The following MAD1L1 variants were observed in gnomAD, a reference collection of about 807,000 sequenced individuals.
MAD1L1 encodes the protein mitotic spindle assembly checkpoint protein MAD1.
In MAD1L1, 95 loss-of-function variants were observed where a neutral mutation model predicts 96.9. That is an observed-to-expected ratio of 0.98 (90% CI 0.83 to 1.16). MAD1L1 has a LOEUF of 1.16. MAD1L1 is among the 50% of genes most tolerant of loss of function. MAD1L1 has a pLI of 0.00. For missense variants in MAD1L1, 1,007 were observed against 954.4 expected, an observed-to-expected ratio of 1.06 and a Z score of -0.73; for synonymous variants, 473 against 396.6, an observed-to-expected ratio of 1.19 and a Z score of -2.29.
intron 11 of MAD1L1, among the ~76,000 whole-genome samples, chr7:2,130,172 G>C (rs1284133489): frequency 6.6e-6 from 1 of 152,256 alleles, no homozygotes; most frequent in Non-Finnish European, 1.5e-5. Flanking sequence ...TCGGCCCGCA[G>C]CAGGTGCCTG....
At chr7:1,892,392 G>A (rs1786603668) in intron 18 of MAD1L1, among the ~76,000 whole-genome samples, 1 of 152,186 alleles carries the variant, frequency 6.6e-6, no homozygotes, top group South Asian at 2.1e-4. Flanking sequence ...ATACACACAG[G>A]TGAGTGCTGA....
chr7:2,144,177 A>G (rs1011609764), intron 11 of MAD1L1, among the ~76,000 whole-genome samples: 2 of 152,216 alleles, frequency 1.3e-5, no homozygotes, highest in Non-Finnish European at 2.9e-5. Flanking sequence ...CCGGGGCTCA[A>G]GTTCCTCCCT....
At chr7:2,041,383 G>A (rs963702417) in intron 12 of MAD1L1, among the ~76,000 whole-genome samples, 9 of 111,820 alleles carry the variant, frequency 8.0e-5, no homozygotes, top group Non-Finnish European at 2.0e-4. Flanking sequence ...CTGGGGAAGG[G>A]GAGCAGGAGC....
At chr7:2,039,558 G>T (rs1375017373) in intron 12 of MAD1L1, among the ~76,000 whole-genome samples, 1 of 152,204 alleles carries the variant, frequency 6.6e-6, no homozygotes, top group African/African-American at 2.4e-5. Context: ...CAGGTGTGCA[G>T]TGACACCTCA....
chr7:2,027,277 G>C (rs1472902093), intron 12 of MAD1L1, among the ~76,000 whole-genome samples: 6 of 152,320 alleles, frequency 3.9e-5, no homozygotes, highest in East Asian at 3.9e-4. Flanking sequence ...ACTCCACCAA[G>C]CGGTTAAAGA....
chr7:1,983,287 A>G (rs1781010639), intron 14 of MAD1L1, among the ~76,000 whole-genome samples: 1 of 152,172 alleles, frequency 6.6e-6, no homozygotes, highest in Non-Finnish European at 1.5e-5. Flanking sequence ...ACAGTGCTCA[A>G]AGTATCTGCG....
chr7:1,948,522 G>A (rs1347969422), intron 16 of MAD1L1, among the ~76,000 whole-genome samples: 7 of 152,202 alleles, frequency 4.6e-5, no homozygotes, highest in Admixed American at 3.9e-4. Flanking sequence ...GCACAGCTCC[G>A]GAGCTGGCCT....
chr7:1,957,528 A>G, intron 16 of MAD1L1, 101 bp downstream of exon 16: 4 of 1,170,938 alleles, frequency 3.4e-6, no homozygotes, highest in Middle Eastern at 2.5e-4. Context: ...GACGAGCCAG[A>G]AAACGGGTGT....
At chr7:2,195,942 C>T (rs1562360350) in intron 10 of MAD1L1, among the ~76,000 whole-genome samples, 1 of 152,278 alleles carries the variant, frequency 6.6e-6, no homozygotes, top group African/African-American at 2.4e-5. Flanking sequence ...TCCGCTCAGG[C>T]TAAATGGATG....
At chr7:2,223,869 A>T (rs920168835) in intron 4 of MAD1L1, among the ~76,000 whole-genome samples, 2 of 152,134 alleles carry the variant, frequency 1.3e-5, no homozygotes, top group African/African-American at 4.8e-5. Context: ...TTCCAGGTGG[A>T]ACTCCAAGGA....
chr7:2,226,070 C>G (rs1009021799), intron 3 of MAD1L1, among the ~76,000 whole-genome samples: 7 of 152,202 alleles, frequency 4.6e-5, no homozygotes, highest in African/African-American at 1.7e-4. Context: ...CAATCTCCCT[C>G]ATCAAATCCC....
intron 12 of MAD1L1, among the ~76,000 whole-genome samples, chr7:2,021,677 A>C (rs1381535794): frequency 6.6e-6 from 1 of 152,128 alleles, no homozygotes; most frequent in African/African-American, 2.4e-5. Context: ...AGGCAGGAGA[A>C]TCGCTTGAAC....
chr7:1,985,713 T>C (rs1781107924), intron 14 of MAD1L1, among the ~76,000 whole-genome samples: 1 of 152,214 alleles, frequency 6.6e-6, no homozygotes, highest in South Asian at 2.1e-4. Flanking sequence ...GAGATGGAAC[T>C]CTTGCTGCGG....
In MAD1L1 at chr7:2,103,311, T is replaced by C. The variant is rs1050073390; in HGVS notation, c.1074-33973A>G. ...CCGACGGGCCCTGCACACACAGTCA[T>C]ACCTGCGCTCCTGCACTCAGTGAAG... On this transcript the variant is annotated intron_variant, in intron 11 of 18. Coordinates refer to ENST00000265854, the MANE Select transcript of MAD1L1 (RefSeq NM_001013836.2). This position sits in a 1 kb window ranked among gnomAD's most constrained non-coding sequence, Gnocchi z 4.3. Among the ~76,000 whole-genome samples, 7 of 151,988 alleles carry C rather than the reference T, an allele frequency of 4.6e-5. No homozygotes were observed. Among genetic ancestry groups the C allele is most frequent in the Non-Finnish European group, 1.0e-4 (7 of 67,978 alleles).
chr7:2,222,558 G>T lies in MAD1L1; in HGVS notation c.471+17C>A. The T allele has an allele frequency of 1.3e-6, 2 of 1,565,634 alleles. No homozygotes were observed. Among genetic ancestry groups the T allele is most frequent in the Non-Finnish European group, 1.7e-6 (2 of 1,155,144 alleles). On this transcript the variant is annotated intron_variant, in intron 5 of 18. Transcript: ENST00000265854. ...CCTCGGGAAAACAGCTCCCTGCGCA[G>T]CAGAGGCCCCGCTCACCTCGCCAGC...
At chr7:1,864,844 C>T (rs1312121276) in intron 18 of MAD1L1, among the ~76,000 whole-genome samples, 1 of 152,206 alleles carries the variant, frequency 6.6e-6, no homozygotes. Flanking sequence ...ACAACAGCTC[C>T]CCTCGACTTC....
At chr7:2,059,509 G>C (rs1362915256) in intron 12 of MAD1L1, among the ~76,000 whole-genome samples, 1 of 151,718 alleles carries the variant, frequency 6.6e-6, no homozygotes, top group Non-Finnish European at 1.5e-5. Context: ...GAAAGGTGCG[G>C]GGCTGGAAAG....
At position 1,867,826 on chromosome 7, in the gene MAD1L1, G is replaced by A. The variant is rs1784851757; in HGVS notation, c.1998+30374C>T. Reference sequence around the variant, plus strand: ...TGCCATCAGCTCTGGGACAATAATTGGAGCTGAAGTTGTTCCAACGACTTA... The same window carrying A: ...TGCCATCAGCTCTGGGACAATAATTAGAGCTGAAGTTGTTCCAACGACTTA... On this transcript the variant is annotated intron_variant, in intron 18 of 18. Transcript: ENST00000265854. Among the ~76,000 whole-genome samples, 3 of 152,324 alleles carry A rather than the reference G, an allele frequency of 2.0e-5. 1 individual carries two copies. In the South Asian group the frequency reaches 6.2e-4, roughly 32 times the overall value.
chr7:2,019,314 G>A lies in MAD1L1; in HGVS notation c.1219-4672C>T, dbSNP rs148623227. Among the ~76,000 whole-genome samples the A allele has an allele frequency of 1.3e-3, 194 of 152,288 alleles. 1 individual carries two copies. The highest frequency in any genetic ancestry group is 4.3e-3 in the African/African-American group (179 of 41,562). Reference sequence around the variant, plus strand: ...TCTGGAACCCTCATCCCAGCTGGTCGTTTCCCAAATGAGCAGGACTCTGGC... The same window carrying A: ...TCTGGAACCCTCATCCCAGCTGGTCATTTCCCAAATGAGCAGGACTCTGGC... On this transcript the variant is annotated intron_variant, in intron 12 of 18. Transcript: ENST00000265854.
Sources: gnomAD v4.1 joint callset for allele counts (sites outside exome capture counted in the v4.1 genomes callset) on GRCh38, gnomAD v4.1.1 for gene constraint, Gnocchi (gnomAD v3.1) non-coding constraint, MANE v1.5 for transcripts, NCBI Gene and HGNC (gene_info 2026-07-23, HGNC 2026-07-21) for gene names.